RTL4: variants seen among roughly 807,000 people sequenced by gnomAD.
RTL4 encodes the protein retrotransposon Gag like 4.
A neutral mutation model predicts 5.3 loss-of-function variants in RTL4; 4 were observed. The observed-to-expected ratio is 0.75, with a 90% CI of 0.37 to 1.72. The LOEUF (loss-of-function observed/expected upper bound fraction) is 1.72. RTL4 is among the 40% of genes most tolerant of loss of function. RTL4 has a pLI of 0.04. For missense variants in RTL4, 260 were observed against 227.1 expected, an observed-to-expected ratio of 1.14 and a Z score of -0.93; for synonymous variants, 98 against 87.3, an observed-to-expected ratio of 1.12 and a Z score of -0.68.
At chrX:112,235,654 A>G in the RTL4 span, among the ~76,000 whole-genome samples, 1 of 111,911 alleles carries the variant, frequency 8.9e-6, no homozygotes, top group Non-Finnish European at 1.9e-5. Flanking sequence ...TATTAGTTGT[A>G]TCTAATAAAA....
chrX:112,195,474 A>G, the RTL4 span, among the ~76,000 whole-genome samples: 1 of 111,752 alleles, frequency 8.9e-6, no homozygotes, highest in South Asian at 3.8e-4. Flanking sequence ...TAAGTTGGAA[A>G]GTCCCACTTG....
the RTL4 span, among the ~76,000 whole-genome samples, chrX:112,357,455 A>G: frequency 0.34 from 37,427 of 110,557 alleles, 6,245 homozygotes; most frequent in African/African-American, 0.65. Flanking sequence ...TTTAACCAGA[A>G]AAGAAGATGT....
At chrX:112,300,412 T>C in the RTL4 span, among the ~76,000 whole-genome samples, 1 of 112,575 alleles carries the variant, frequency 8.9e-6, no homozygotes, top group African/African-American at 3.2e-5. Flanking sequence ...ATCTGTAATA[T>C]GATTTCTTTT....
At chrX:112,328,273 A>G in the RTL4 span, among the ~76,000 whole-genome samples, 1 of 110,972 alleles carries the variant, frequency 9.0e-6, no homozygotes, top group African/African-American at 3.3e-5. Flanking sequence ...TCTCATGTGC[A>G]GAGACACACA....
the RTL4 span, among the ~76,000 whole-genome samples, chrX:112,110,114 G>C: frequency 8.9e-6 from 1 of 112,089 alleles, no homozygotes; most frequent in Admixed American, 9.4e-5. Context: ...GGTGGTATAA[G>C]AGTTTGAAAG....
the RTL4 span, among the ~76,000 whole-genome samples, chrX:112,425,119 T>C: frequency 1.8e-5 from 2 of 111,597 alleles, no homozygotes; most frequent in Non-Finnish European, 3.8e-5. Context: ...TGGCAATCAC[T>C]GATCTGTCTA....
At chrX:112,428,613 A>T in the RTL4 span, among the ~76,000 whole-genome samples, 1 of 111,762 alleles carries the variant, frequency 8.9e-6, no homozygotes, top group Non-Finnish European at 1.9e-5. Context: ...TGATCTTAAG[A>T]AGAATGTAGA....
the RTL4 span, among the ~76,000 whole-genome samples, chrX:112,300,087 AATCTATCT>A: frequency 7.2e-5 from 8 of 111,402 alleles, no homozygotes; most frequent in Non-Finnish European, 1.3e-4. Context: ...GCACATATAA[AATCTATCT>A]ATCTATCTAT....
chrX:112,439,700 C>G, the RTL4 span, among the ~76,000 whole-genome samples: 1 of 111,270 alleles, frequency 9.0e-6, no homozygotes, highest in Non-Finnish European at 1.9e-5. Context: ...TCATGTTGCC[C>G]TCTGGATAAT....
chrX:112,103,166 G>T, the RTL4 span, among the ~76,000 whole-genome samples: 1 of 111,384 alleles, frequency 9.0e-6, no homozygotes, highest in Admixed American at 9.5e-5. Flanking sequence ...CAATGGCAAA[G>T]ATATGGAATC....
chrX:112,311,652 A>T, the RTL4 span, among the ~76,000 whole-genome samples: 1 of 111,082 alleles, frequency 9.0e-6, no homozygotes, highest in East Asian at 2.8e-4. Flanking sequence ...AGCCAAAAGT[A>T]AGTGCAGTTT....
the RTL4 span, among the ~76,000 whole-genome samples, chrX:112,190,574 T>C: frequency 1.8e-5 from 2 of 112,193 alleles, no homozygotes; most frequent in East Asian, 5.6e-4. Context: ...GGAGATTCAT[T>C]CTTATAGTAT....
At chrX:112,088,498 T>C in the RTL4 span, among the ~76,000 whole-genome samples, 1 of 112,225 alleles carries the variant, frequency 8.9e-6, no homozygotes, top group Non-Finnish European at 1.9e-5. Flanking sequence ...TTTTCTATTA[T>C]GAATAATGCT....
chrX:112,193,775 T>A, the RTL4 span, among the ~76,000 whole-genome samples: 1 of 111,824 alleles, frequency 8.9e-6, no homozygotes, highest in South Asian at 3.8e-4. Context: ...ATAATTTCAA[T>A]TGACCTATCT....
At chrX:112,297,546 A>G in the RTL4 span, among the ~76,000 whole-genome samples, 8 of 111,232 alleles carry the variant, frequency 7.2e-5, no homozygotes, top group South Asian at 2.7e-3. Flanking sequence ...TGAACCACGA[A>G]AAACCATCCT....
the RTL4 span, among the ~76,000 whole-genome samples, chrX:112,359,467 A>G: frequency 2.7e-5 from 3 of 111,306 alleles, no homozygotes; most frequent in Non-Finnish European, 5.7e-5. Flanking sequence ...TTTTTATGTA[A>G]TGGAAATAGC....
chrX:112,141,078 G>A, the RTL4 span, among the ~76,000 whole-genome samples: 43 of 111,541 alleles, frequency 3.9e-4, 1 homozygote, highest in Admixed American at 3.9e-3. Context: ...ATTTATTTAG[G>A]TCTCTAATTT....
chrX:112,336,595 G>A, the RTL4 span, among the ~76,000 whole-genome samples: 1 of 112,154 alleles, frequency 8.9e-6, no homozygotes, highest in Non-Finnish European at 1.9e-5. Context: ...CAATACAGAA[G>A]CCAGTAGCCA....
chrX:112,396,493 G>A, the RTL4 span, among the ~76,000 whole-genome samples: 4 of 110,778 alleles, frequency 3.6e-5, no homozygotes, highest in Non-Finnish European at 7.5e-5. Context: ...TGTGGGGGTG[G>A]TGATAATCCA....
Sources: gnomAD v4.1 joint callset for allele counts (sites outside exome capture counted in the v4.1 genomes callset) on GRCh38, gnomAD v4.1.1 for gene constraint, MANE v1.5 for transcripts, NCBI Gene and HGNC (gene_info 2026-07-23, HGNC 2026-07-21) for gene names.